The following TTLL2 variants were observed in gnomAD, a reference collection of about 807,000 sequenced individuals.
TTLL2 encodes tubulin tyrosine ligase like 2, also known as probable tubulin polyglutamylase TTLL2.
A neutral mutation model predicts 7.5 loss-of-function variants in TTLL2; 10 were observed. The observed-to-expected ratio is 1.33, with a 90% CI of 0.82 to 2.25. The LOEUF (loss-of-function observed/expected upper bound fraction) is 2.25. TTLL2 is among the 30% of genes most tolerant of loss of function. The probability of loss-of-function intolerance (pLI) is 0.00; values close to 1 mark genes in which losing one functional copy is unlikely to be tolerated. For missense variants in TTLL2, 733 were observed against 735.7 expected, an observed-to-expected ratio of 1.00 and a Z score of 0.04; for synonymous variants, 284 against 280.3, an observed-to-expected ratio of 1.01 and a Z score of -0.13.
intron 1 of TTLL2, 49 bp from the exon 2 acceptor site, chr6:167,338,598 T>A: frequency 6.4e-7 from 1 of 1,570,896 alleles, no homozygotes; most frequent in Non-Finnish European, 8.7e-7. Flanking sequence ...AAAGCAACAG[T>A]GACAAGGGAG....
chr6:167,335,352 AAC>A (rs1222169262), intron 1 of TTLL2, among the ~76,000 whole-genome samples: 1 of 151,220 alleles, frequency 6.6e-6, no homozygotes, highest in Non-Finnish European at 1.5e-5. Context: ...GAGAAATAGG[AAC>A]ACTTTTACAC....
chr6:167,327,024 G>A (rs1778855267), intron 1 of TTLL2, among the ~76,000 whole-genome samples: 1 of 152,000 alleles, frequency 6.6e-6, no homozygotes, highest in Non-Finnish European at 1.5e-5. Flanking sequence ...GAAAAGAGTA[G>A]GTATTGGGGG....
chr6:167,328,355 G>A, intron 1 of TTLL2: 1 of 318,978 alleles, frequency 3.1e-6, no homozygotes, highest in Non-Finnish European at 6.2e-6. Flanking sequence ...CCTTGCCATG[G>A]GGCCCCATAC....
chr6:167,341,248 C>T lies in TTLL2; in HGVS notation c.1348C>T (p.Pro450Ser). ...AKSDRGGLDA[P>S]DCLPYDSLSF... ...AAGTGACAGAGGTGGGCTTGATGCT[C>T]CTGACTGTCTTCCTTATGATTCTCT... The change falls in exon 3 of 3, where the codon CCT (proline) becomes TCT (serine). Residue 450 changes from proline (P) to serine (S), a missense_variant. Coordinates refer to ENST00000239587, the MANE Select transcript of TTLL2 (RefSeq NM_031949.5). 2 of 1,613,592 alleles carry T rather than the reference C, an allele frequency of 1.2e-6. No homozygotes were observed. The highest frequency in any genetic ancestry group is 1.7e-6 in the Non-Finnish European group (2 of 1,179,986).
At chr6:167,338,132 AACACAAT>A (rs1276260235) in intron 1 of TTLL2, among the ~76,000 whole-genome samples, 25 of 151,560 alleles carry the variant, frequency 1.6e-4, no homozygotes, top group Non-Finnish European at 2.4e-4. Flanking sequence ...TGATACATAC[AACACAAT>A]ACACAATACA....
rs1779074094 is a variant in TTLL2, at chr6:167,340,729, T to C, written c.829T>C (p.Leu277=). The change falls in exon 3 of 3, where the codon TTG becomes CTG. Residue 277 remains leucine, a synonymous_variant. Coordinates refer to ENST00000239587, the MANE Select transcript of TTLL2 (RefSeq NM_031949.5). ...PLTIYVYQEG[L]VRFATEKFDL... is the part of the protein sequence containing the mutation. Reference sequence around the variant, plus strand: ...GACCATTTATGTTTATCAGGAAGGGTTGGTTCGGTTTGCCACGGAAAAGTT... The same window carrying C: ...GACCATTTATGTTTATCAGGAAGGGCTGGTTCGGTTTGCCACGGAAAAGTT... The C allele has an allele frequency of 3.7e-6, 6 of 1,614,002 alleles. No individual in the cohort carries two copies. In the African/African-American group the frequency reaches 4.0e-5, roughly 11 times the overall value.
chr6:167,340,553 G>T lies in TTLL2; in HGVS notation c.653G>T (p.Arg218Leu). 6.2e-7 allele frequency: 1 copy of T among 1,614,208 alleles called. No homozygotes were observed. The highest frequency in any genetic ancestry group is 8.5e-7 in the Non-Finnish European group (1 of 1,180,040). Residue 218 changes from arginine to leucine, a missense_variant, in exon 3 of 3, where the codon CGT (arginine) becomes CTT (leucine). Coordinates refer to ENST00000239587, the MANE Select transcript of TTLL2 (RefSeq NM_031949.5). Reference sequence around the variant, plus strand: ...ATTTGCAAGCCTGCTGAGTTATCTCGTGGGAGGGGGATACTAATTTTCAGT... The same window carrying T: ...ATTTGCAAGCCTGCTGAGTTATCTCTTGGGAGGGGGATACTAATTTTCAGT... ...YWICKPAELS[R>L]GRGILIFSDF...
At chr6:167,328,987 G>A (rs2115208943) in intron 1 of TTLL2, among the ~76,000 whole-genome samples, 1 of 152,286 alleles carries the variant, frequency 6.6e-6, no homozygotes, top group Admixed American at 6.5e-5. Context: ...AAGCTTCTAT[G>A]TGGAGGTCTG....
Position 167,341,793 on chromosome 6 carries a change from G to T in TTLL2, c.*114G>T. ...CCTGTGCCACCAGCATGTTAACTAT[G>T]ACATTGGGACTGAAGATGTGGCCAT... On this transcript the variant is annotated 3_prime_UTR_variant, in exon 3 of 3. Coordinates refer to ENST00000239587, the MANE Select transcript of TTLL2 (RefSeq NM_031949.5). The T allele has an allele frequency of 8.7e-7, 1 of 1,143,464 alleles. No individual in the cohort carries two copies. Among genetic ancestry groups the T allele is most frequent in the Non-Finnish European group, 1.2e-6 (1 of 833,054 alleles). The allele number at this position is 1,143,464 out of a possible 1,614,324, so 70.8% of individuals were successfully genotyped here. A position where few individuals can be genotyped will look rare whatever the true frequency, so the allele number is the denominator to read the frequency against.
chr6:167,340,852 C>T lies in TTLL2; in HGVS notation c.952C>T (p.His318Tyr), dbSNP rs765404743. ...TGAGAAGATCAAAGAAGTGATTGGT[C>T]ATGGTTGTAAATGGACGCTCAGCAG... ...SYEKIKEVIG[H>Y]GCKWTLSRFF... The change falls in exon 3 of 3, where the codon CAT becomes TAT. Residue 318 changes from histidine to tyrosine, a missense_variant. Physicochemically the swap from His to Tyr is moderately conservative, Grantham distance 83. Coordinates refer to ENST00000239587, the MANE Select transcript of TTLL2 (RefSeq NM_031949.5). 6.2e-7 allele frequency: 1 copy of T among 1,614,154 alleles called. No individual in the cohort carries two copies. The highest frequency in any genetic ancestry group is 8.5e-7 in the Non-Finnish European group (1 of 1,180,030).
At chr6:167,331,044 G>T (rs1778914638) in intron 1 of TTLL2, among the ~76,000 whole-genome samples, 1 of 152,184 alleles carries the variant, frequency 6.6e-6, no homozygotes, top group Non-Finnish European at 1.5e-5. Flanking sequence ...TGCCCTTCCT[G>T]TTCCTGCACA....
At chr6:167,327,152 C>T (rs957640799) in intron 1 of TTLL2, among the ~76,000 whole-genome samples, 1 of 152,142 alleles carries the variant, frequency 6.6e-6, no homozygotes, top group Non-Finnish European at 1.5e-5. Flanking sequence ...GAGGAACAGT[C>T]GCTTAGCATT....
At chr6:167,337,265 G>A (rs58347089) in intron 1 of TTLL2, among the ~76,000 whole-genome samples, 1 of 152,250 alleles carries the variant, frequency 6.6e-6, no homozygotes, top group Non-Finnish European at 1.5e-5. Context: ...CAGATGCGTA[G>A]TTGAAATGGG....
chr6:167,330,236 C>T (rs1284860750), intron 1 of TTLL2, among the ~76,000 whole-genome samples: 1 of 152,174 alleles, frequency 6.6e-6, no homozygotes, highest in African/African-American at 2.4e-5. Flanking sequence ...TACTTGTACT[C>T]AGTACAGTTT....
chr6:167,337,228 T>C (rs1778998670), intron 1 of TTLL2, among the ~76,000 whole-genome samples: 1 of 152,202 alleles, frequency 6.6e-6, no homozygotes, highest in Non-Finnish European at 1.5e-5. Context: ...TATGCATTGC[T>C]CTCTGGAGGA....
Position 167,341,145 on chromosome 6 carries a change from T to G in TTLL2, c.1245T>G (p.Ile415Met). The G allele has an allele frequency of 6.2e-7, 1 of 1,613,816 alleles. No individual in the cohort carries two copies. The highest frequency in any genetic ancestry group is 1.3e-5 in the African/African-American group (1 of 74,868). The change falls in exon 3 of 3, where the codon ATT (isoleucine) becomes ATG (methionine). Residue 415 changes from isoleucine to methionine, a missense_variant. By Grantham distance (10) the Ile-to-Met change is conservative (BLOSUM62 1). Transcript: ENST00000239587. ...RKLVHDIIDL[I>M]YLNGLRNEGR... is the part of the protein sequence containing the mutation. ...TTGTCCATGATATTATTGACCTGAT[T>G]TACTTAAATGGTCTAAGAAATGAGG...
intron 1 of TTLL2, among the ~76,000 whole-genome samples, chr6:167,329,734 A>G: frequency 6.6e-6 from 1 of 152,082 alleles, no homozygotes; most frequent in East Asian, 1.9e-4. Flanking sequence ...CCTAGCCAGG[A>G]CCCAGCCTCT....
intron 1 of TTLL2, among the ~76,000 whole-genome samples, chr6:167,328,941 G>T (rs1029499162): frequency 2.2e-4 from 34 of 152,234 alleles, no homozygotes; most frequent in Middle Eastern, 3.4e-3. Context: ...ACACTGGTTG[G>T]GGGAATAGCT....
chr6:167,328,314 A>G (rs949316210), intron 1 of TTLL2: 3 of 328,870 alleles, frequency 9.1e-6, no homozygotes, highest in South Asian at 2.6e-5. Flanking sequence ...GGATTCCCGC[A>G]GTGATGGAAT....
Sources: allele counts gnomAD v4.1 joint callset (sites outside exome capture counted in the v4.1 genomes callset), GRCh38; gene constraint gnomAD v4.1.1; transcripts MANE v1.5; gene names NCBI Gene and HGNC (gene_info 2026-07-23, HGNC 2026-07-21).